The following CEP43 variants were observed in gnomAD, a reference collection of about 807,000 sequenced individuals.
CEP43 encodes the protein FGFR1 oncogene partner.
A neutral mutation model predicts 52.6 loss-of-function variants in CEP43; 36 were observed. That is an observed-to-expected ratio of 0.68 (90% CI 0.52 to 0.90). The LOEUF is 0.90. CEP43 is among the 40% of genes least tolerant of loss of function. The pLI, the probability that CEP43 is intolerant of heterozygous loss-of-function variation, is 0.00. For synonymous variants in CEP43, 192 were observed against 172.4 expected, an observed-to-expected ratio of 1.11 and a Z score of -0.89; for missense variants, 506 against 472.8, an observed-to-expected ratio of 1.07 and a Z score of -0.65.
chr6:167,031,741 T>C (rs768666743), intron 10 of CEP43, among the ~76,000 whole-genome samples: 1 of 152,232 alleles, frequency 6.6e-6, no homozygotes, highest in Non-Finnish European at 1.5e-5. Context: ...ACATTTTAAG[T>C]TGGCTCTCAT....
intron 5 of CEP43, among the ~76,000 whole-genome samples, chr6:167,009,041 G>A (rs1393552395): frequency 2.0e-5 from 3 of 151,740 alleles, no homozygotes; most frequent in African/African-American, 7.3e-5. Context: ...GATCACTTGA[G>A]GCCAGGAGTT....
chr6:167,014,225 A>T (rs1325497786), intron 7 of CEP43, among the ~76,000 whole-genome samples: 1 of 152,332 alleles, frequency 6.6e-6, no homozygotes, highest in African/African-American at 2.4e-5. Flanking sequence ...ATACGTACCT[A>T]TTGATAAATT....
In CEP43 at chr6:167,044,712, G is replaced by C. The variant is rs761238831; in HGVS notation, c.*4734G>C. Reference sequence around the variant, plus strand: ...GGCCCCTCGTGTCATCCGACTTTGCGTTGTGGCCCTGCCTGCAGAAACGTG... The same window carrying C: ...GGCCCCTCGTGTCATCCGACTTTGCCTTGTGGCCCTGCCTGCAGAAACGTG... On this transcript the variant is annotated 3_prime_UTR_variant, in exon 13 of 13. Coordinates refer to ENST00000366847, the MANE Select transcript of CEP43 (RefSeq NM_007045.4). The C allele has an allele frequency of 7.6e-6, 2 of 262,160 alleles. No individual in the cohort carries two copies. The highest frequency in any genetic ancestry group is 1.2e-5 in the Non-Finnish European group (2 of 168,702). 16.2% of individuals were successfully genotyped at this position (262,160 alleles called of 1,614,324 possible).
chr6:167,003,167 C>T, intron 2 of CEP43, 26 bp from the exon 3 acceptor site: 1 of 1,058,750 alleles, frequency 9.4e-7, no homozygotes, highest in African/African-American at 1.6e-5. Flanking sequence ...AAACACATGA[C>T]ACTTAAATTT....
rs573530351 is a variant in CEP43 at position 167,022,573 on chromosome 6, T to A, written c.744T>A (p.Asp248Glu). The change falls in exon 8 of 13, where the codon GAT becomes GAA. Residue 248 changes from aspartate to glutamate, a missense_variant. Transcript: ENST00000366847. ...KDKAGLCPDE[D>E]DMEGDSFFDD... Reference sequence around the variant, plus strand: ...AAGCTGGCCTTTGTCCAGATGAAGATGATATGGAAGGAGATTCTTTCTTTG... The same window carrying A: ...AAGCTGGCCTTTGTCCAGATGAAGAAGATATGGAAGGAGATTCTTTCTTTG... 1.1e-5 allele frequency: 17 copies of A among 1,614,116 alleles called. No homozygotes were observed. In the South Asian group the frequency reaches 1.8e-4, roughly 17 times the overall value.
At chr6:167,011,815 T>G (rs1331503295) in intron 6 of CEP43, 1 of 152,290 alleles carries the variant, frequency 6.6e-6, no homozygotes, top group Non-Finnish European at 1.5e-5. Context: ...GAGAGCTCTC[T>G]GGGGTCAGGG....
At chr6:167,039,026 T>A (rs1780638010) in intron 12 of CEP43, among the ~76,000 whole-genome samples, 1 of 152,222 alleles carries the variant, frequency 6.6e-6, no homozygotes, top group Non-Finnish European at 1.5e-5. Flanking sequence ...ACTTAGCTCC[T>A]GCTTATTAAT....
At chr6:166,999,742 A>G (rs239933) in intron 1 of CEP43, 217,977 of 492,902 alleles carry the variant, frequency 0.44, 49,369 homozygotes, top group East Asian at 0.51. Context: ...TGCCTGGCCC[A>G]TCCCCTGCCT....
chr6:167,042,761 T>TAAA lies in CEP43; in HGVS notation c.*2783_*2784insAAA, dbSNP rs1476368267. On this transcript the variant is annotated 3_prime_UTR_variant, in exon 13 of 13. Transcript: ENST00000366847. ...CCTGTCCCTGCCCCACCACTTGCAT[T>TAAA]TACCCCTTTTATTTTATTCATCTCA... is the stretch of plus-strand genomic sequence containing the variant. 1 of 151,532 alleles carries TAAA rather than the reference T, an allele frequency of 6.6e-6. No individual in the cohort carries two copies. Among genetic ancestry groups the TAAA allele is most frequent in the Non-Finnish European group, 1.5e-5 (1 of 68,300 alleles). The allele number at this position is 151,532 out of a possible 1,614,324, so 9.4% of individuals were successfully genotyped here.
chr6:167,010,182 G>A (rs989643606), intron 5 of CEP43, among the ~76,000 whole-genome samples: 8 of 152,190 alleles, frequency 5.3e-5, no homozygotes, highest in African/African-American at 1.9e-4. Flanking sequence ...TGTAGGAAGT[G>A]ATTTTCATTT....
chr6:167,015,543 T>C (rs963506026), intron 7 of CEP43, among the ~76,000 whole-genome samples: 3 of 152,202 alleles, frequency 2.0e-5, no homozygotes, highest in African/African-American at 7.2e-5. Flanking sequence ...TCCCAAGGTA[T>C]GCAAAGCCAT....
In CEP43 at chr6:167,015,160, G is replaced by GCCCCC. The variant is rs1562526665; in HGVS notation, c.579+1593_579+1594insCCCCC. Reference sequence around the variant, plus strand: ...CTTGAGAGGGGATTGAAGAATCTAGGTGGGCCCATATCCCAGGATTTAGTC... The same window carrying GCCCCC: ...CTTGAGAGGGGATTGAAGAATCTAGGCCCCCTGGGCCCATATCCCAGGATTTAGTC... On this transcript the variant is annotated intron_variant, in intron 7 of 12. Coordinates refer to ENST00000366847, the MANE Select transcript of CEP43 (RefSeq NM_007045.4). 1.9e-4 allele frequency among the ~76,000 whole-genome samples: 29 copies of GCCCCC among 152,276 alleles called. 1 individual carries two copies. The highest frequency in any genetic ancestry group is 7.0e-4 in the African/African-American group (29 of 41,556).
intron 12 of CEP43, among the ~76,000 whole-genome samples, chr6:167,035,294 A>C (rs1199536649): frequency 1.3e-5 from 2 of 152,236 alleles, no homozygotes; most frequent in Non-Finnish European, 2.9e-5. Flanking sequence ...TTCTGTGTAG[A>C]GAATTGCTAC....
chr6:167,003,484 G>A (rs1365231381), intron 3 of CEP43: 13 of 509,400 alleles, frequency 2.6e-5, no homozygotes, highest in East Asian at 6.2e-5. Context: ...ATTAAAAAGC[G>A]AAACACTGAA....
chr6:167,040,284 T>A lies in CEP43; in HGVS notation c.*306T>A. On this transcript the variant is annotated 3_prime_UTR_variant, in exon 13 of 13. Coordinates refer to ENST00000366847, the MANE Select transcript of CEP43 (RefSeq NM_007045.4). ...GAAAACATCAGTGTTAAGAGCATGA[T>A]GAAAGGTGTCAATAAAGCCGTAGGA... 3 of 1,468,746 alleles carry A rather than the reference T, an allele frequency of 2.0e-6. No individual in the cohort carries two copies. Among genetic ancestry groups the A allele is most frequent in the Non-Finnish European group, 2.7e-6 (3 of 1,119,962 alleles). The allele number at this position is 1,468,746 out of a possible 1,614,324, so 91.0% of individuals were successfully genotyped here.
At chr6:167,035,514 G>A (rs758533891) in intron 12 of CEP43, among the ~76,000 whole-genome samples, 1 of 151,788 alleles carries the variant, frequency 6.6e-6, no homozygotes, top group Non-Finnish European at 1.5e-5. Context: ...CTGGGTTTGA[G>A]TTCTGGAGCT....
intron 5 of CEP43, among the ~76,000 whole-genome samples, chr6:167,009,773 T>C (rs1284010241): frequency 6.6e-6 from 1 of 151,556 alleles, no homozygotes; most frequent in Admixed American, 6.6e-5. Flanking sequence ...GAGGCGGAGA[T>C]TGCAGTGAGC....
At chr6:167,039,825 G>A in intron 12 of CEP43, 79 bp from the exon 13 acceptor site, 1 of 1,468,044 alleles carries the variant, frequency 6.8e-7, no homozygotes, top group Non-Finnish European at 9.4e-7. Context: ...GTATCTCATT[G>A]TGGCTTTGAT....
At chr6:167,023,283 A>G (rs1416475467) in intron 8 of CEP43, among the ~76,000 whole-genome samples, 1 of 152,142 alleles carries the variant, frequency 6.6e-6, no homozygotes, top group African/African-American at 2.4e-5. Context: ...ACATTACAGA[A>G]GGATCCTGAG....
Sources: gnomAD v4.1 joint callset for allele counts (sites outside exome capture counted in the v4.1 genomes callset) on GRCh38, gnomAD v4.1.1 for gene constraint, MANE v1.5 for transcripts, NCBI Gene and HGNC (gene_info 2026-07-23, HGNC 2026-07-21) for gene names.